The following TRPM3 variants were observed in gnomAD, a reference collection of about 807,000 sequenced individuals.
The protein encoded by TRPM3 is transient receptor potential cation channel subfamily M member 3.
TRPM3 carries 77 observed loss-of-function variants against 181.2 expected under a neutral mutation model. The observed-to-expected ratio is 0.42, with a 90% CI of 0.35 to 0.51. TRPM3 has a LOEUF of 0.51. TRPM3 is among the 20% of genes least tolerant of loss of function. The pLI is 0.01. For synonymous variants in TRPM3, 745 were observed against 796.4 expected (o/e 0.94, Z 1.09); for missense variants, 1,759 against 2,196.7 (o/e 0.80, Z 3.98).
intron 1 of TRPM3, among the ~76,000 whole-genome samples, chr9:71,213,178 G>A (rs10868982): frequency 0.43 from 65,160 of 151,818 alleles, 14,353 homozygotes; most frequent in East Asian, 0.52. Flanking sequence ...GCAGCCATAG[G>A]TAATATGTAT....
chr9:70,945,470 C>T (rs1358743924), intron 1 of TRPM3, among the ~76,000 whole-genome samples: 1 of 152,168 alleles, frequency 6.6e-6, no homozygotes, highest in Non-Finnish European at 1.5e-5. Flanking sequence ...ACTACCACCA[C>T]CTTCCTTGCT....
intron 25 of TRPM3, among the ~76,000 whole-genome samples, chr9:70,547,372 A>C (rs1564261687): frequency 6.6e-6 from 1 of 151,878 alleles, no homozygotes; most frequent in Non-Finnish European, 1.5e-5. Context: ...TTCACCTGCC[A>C]CTCCACTCAG....
chr9:70,897,633 A>G (rs796676854), intron 1 of TRPM3, among the ~76,000 whole-genome samples: 9 of 152,308 alleles, frequency 5.9e-5, no homozygotes, highest in African/African-American at 2.2e-4. Context: ...TAGAAAACTC[A>G]TAAAGTCTAT....
intron 9 of TRPM3, among the ~76,000 whole-genome samples, chr9:70,668,620 G>A (rs1249366413): frequency 5.1e-5 from 7 of 136,988 alleles, no homozygotes; most frequent in South Asian, 4.8e-4. Context: ...AGCCGAGATC[G>A]CGCCACTGCA....
chr9:71,326,982 G>A (rs551717241), intron 1 of TRPM3, among the ~76,000 whole-genome samples: 11 of 152,290 alleles, frequency 7.2e-5, no homozygotes, highest in South Asian at 2.1e-4. Flanking sequence ...CATCAGGACC[G>A]TGTCTCTAGA....
At chr9:71,201,421 A>C (rs898415572) in intron 1 of TRPM3, among the ~76,000 whole-genome samples, 2 of 152,072 alleles carry the variant, frequency 1.3e-5, no homozygotes, top group African/African-American at 4.8e-5. Context: ...ATGTTGGCCT[A>C]CCTTGCTAGA....
At chr9:70,873,021 T>G (rs1276449783) in intron 1 of TRPM3, among the ~76,000 whole-genome samples, 2 of 151,956 alleles carry the variant, frequency 1.3e-5, no homozygotes, top group Non-Finnish European at 2.9e-5. Flanking sequence ...TAACAAATAC[T>G]AGTGCTTGAA....
At chr9:71,339,743 G>T (rs969935968) in intron 1 of TRPM3, among the ~76,000 whole-genome samples, 1 of 152,060 alleles carries the variant, frequency 6.6e-6, no homozygotes, top group Non-Finnish European at 1.5e-5. Flanking sequence ...TGGGAGATGG[G>T]GAGAAAAGTT....
At chr9:71,000,124 G>T (rs1376289902) in intron 1 of TRPM3, among the ~76,000 whole-genome samples, 1 of 152,134 alleles carries the variant, frequency 6.6e-6, no homozygotes, top group Non-Finnish European at 1.5e-5. Flanking sequence ...GGACAAACAG[G>T]AAGCGATCTT....
intron 1 of TRPM3, among the ~76,000 whole-genome samples, chr9:70,999,440 G>A (rs951382359): frequency 6.6e-6 from 1 of 152,058 alleles, no homozygotes; most frequent in Non-Finnish European, 1.5e-5. Context: ...AAGCAGAATT[G>A]GTGGTATCAC....
chr9:71,417,287 C>T (rs574775680), intron 1 of TRPM3, among the ~76,000 whole-genome samples: 252 of 152,106 alleles, frequency 1.7e-3, no homozygotes, highest in African/African-American at 5.7e-3. Flanking sequence ...AATTGTTCCA[C>T]ATCCTTGCCA....
chr9:70,781,346 A>AAAAAAAAAAAAAAAG (rs1564254422), intron 7 of TRPM3, among the ~76,000 whole-genome samples: 2 of 147,424 alleles, frequency 1.4e-5, no homozygotes, highest in South Asian at 2.2e-4. Context: ...AAAAAAAAAA[A>AAAAAAAAAAAAAAAG]AAAGAAAACA....
At chr9:70,925,348 C>T (rs578084694) in intron 1 of TRPM3, among the ~76,000 whole-genome samples, 101 of 152,098 alleles carry the variant, frequency 6.6e-4, no homozygotes, top group African/African-American at 1.8e-3. Flanking sequence ...GAATCACCAC[C>T]CTACCGCAAT....
chr9:70,997,300 G>A (rs761369750), intron 1 of TRPM3, among the ~76,000 whole-genome samples: 5 of 152,086 alleles, frequency 3.3e-5, no homozygotes, highest in East Asian at 1.9e-4. Flanking sequence ...CTGGGTTCAC[G>A]CTATTCTGCC....
chr9:70,939,385 A>G (rs2096862876), intron 1 of TRPM3, among the ~76,000 whole-genome samples: 1 of 152,122 alleles, frequency 6.6e-6, no homozygotes, highest in Non-Finnish European at 1.5e-5. Context: ...TTTTTCTCAT[A>G]TATGTTAATT....
At chr9:70,581,106 C>T (rs1280877114) in intron 22 of TRPM3, among the ~76,000 whole-genome samples, 1 of 152,210 alleles carries the variant, frequency 6.6e-6, no homozygotes, top group Non-Finnish European at 1.5e-5. Flanking sequence ...GATATATACA[C>T]AGAAGAGTCC....
chr9:70,616,838 C>G (rs1402496866), intron 17 of TRPM3, among the ~76,000 whole-genome samples: 10 of 152,250 alleles, frequency 6.6e-5, no homozygotes, highest in Admixed American at 6.5e-4. Context: ...AATACGGAAG[C>G]CTTTCTTCTG....
chr9:70,831,240 T>C (rs546802359), intron 5 of TRPM3, among the ~76,000 whole-genome samples: 10 of 152,164 alleles, frequency 6.6e-5, no homozygotes, highest in African/African-American at 2.4e-4. Flanking sequence ...AATTTACATA[T>C]CTAAAAAGAT....
At chr9:71,337,871 G>A (rs902547213) in intron 1 of TRPM3, among the ~76,000 whole-genome samples, 1 of 152,098 alleles carries the variant, frequency 6.6e-6, no homozygotes, top group Non-Finnish European at 1.5e-5. Flanking sequence ...TCATAAGTGG[G>A]AGTTGAACAA....
Sources: gnomAD v4.1 joint callset for allele counts (sites outside exome capture counted in the v4.1 genomes callset) on GRCh38, gnomAD v4.1.1 for gene constraint, MANE v1.5 for transcripts, NCBI Gene and HGNC (gene_info 2026-07-23, HGNC 2026-07-21) for gene names.